CADPS: variants seen among roughly 807,000 people sequenced by gnomAD.
The protein encoded by CADPS is calcium dependent secretion activator, also known as calcium-dependent secretion activator 1.
In CADPS, 57 loss-of-function variants were observed where a neutral mutation model predicts 167.3. The ratio of observed to expected loss-of-function variants is 0.34; its 90% CI spans 0.28 to 0.42. CADPS has a LOEUF of 0.42. CADPS is among the 20% of genes least tolerant of loss of function. The pLI is 1.00. For synonymous variants in CADPS, 676 were observed against 635.3 expected (o/e 1.06, Z -0.96); for missense variants, 1,414 against 1,738.1 (o/e 0.81, Z 3.32).
intron 3 of CADPS, among the ~76,000 whole-genome samples, chr3:62,716,116 G>A (rs6775514): frequency 0.63 from 95,129 of 151,832 alleles, 30,383 homozygotes; most frequent in East Asian, 0.77. Context: ...CTGGAATGTA[G>A]TGGCATGATC....
At chr3:62,504,538 C>T (rs1333199664) in intron 17 of CADPS, among the ~76,000 whole-genome samples, 2 of 152,170 alleles carry the variant, frequency 1.3e-5, no homozygotes, top group African/African-American at 4.8e-5. Flanking sequence ...ACCCATGAGG[C>T]AGCAGATACA....
At chr3:62,774,014 A>G (rs1055706274) in intron 1 of CADPS, among the ~76,000 whole-genome samples, 2 of 152,196 alleles carry the variant, frequency 1.3e-5, no homozygotes, top group Non-Finnish European at 2.9e-5. Flanking sequence ...CTACAGGGAA[A>G]TGAACATGGA....
intron 3 of CADPS, among the ~76,000 whole-genome samples, chr3:62,698,667 C>G (rs2080811646): frequency 6.7e-6 from 1 of 150,188 alleles, no homozygotes; most frequent in Non-Finnish European, 1.5e-5. Context: ...TTATTCTTTT[C>G]CTCCTCCTCC....
At chr3:62,774,738 T>C (rs1344160421) in intron 1 of CADPS, among the ~76,000 whole-genome samples, 1 of 152,242 alleles carries the variant, frequency 6.6e-6, no homozygotes, top group Non-Finnish European at 1.5e-5. Flanking sequence ...TCATTTCTTT[T>C]TCTGCATTCA....
intron 1 of CADPS, among the ~76,000 whole-genome samples, chr3:62,797,223 C>G (rs2152777472): frequency 6.6e-6 from 1 of 151,980 alleles, no homozygotes; most frequent in African/African-American, 2.4e-5. Context: ...CCATTCTTTT[C>G]TTGAGGAATG....
At chr3:62,499,582 G>A (rs2065381959) in intron 17 of CADPS, 1 of 196,954 alleles carries the variant, frequency 5.1e-6, no homozygotes, top group Non-Finnish European at 1.1e-5. Flanking sequence ...CAGCATAAAT[G>A]TACTATACCA....
At chr3:62,472,305 C>T (rs1203659669) in intron 24 of CADPS, among the ~76,000 whole-genome samples, 1 of 152,140 alleles carries the variant, frequency 6.6e-6, no homozygotes, top group African/African-American at 2.4e-5. Flanking sequence ...TACACTAAAA[C>T]TACAAAATTG....
chr3:62,742,350 G>A lies in CADPS; in HGVS notation c.888+11091C>T, dbSNP rs535143466. 2.7e-4 allele frequency among the ~76,000 whole-genome samples: 41 copies of A among 152,212 alleles called. 1 individual carries two copies. In the East Asian group the frequency reaches 3.9e-3, roughly 14 times the overall value. On this transcript the variant is annotated intron_variant, in intron 3 of 29. Coordinates refer to ENST00000383710, the MANE Select transcript of CADPS (RefSeq NM_003716.4). ...CTACCAAAAAAAGAACAAAGCTGAA[G>A]GCATCATTCTACCTGACTTCAAACT... is the stretch of plus-strand genomic sequence containing the variant.
Position 62,521,294 on chromosome 3 carries a change from C to T in CADPS, c.2292-3044G>A, listed in dbSNP as rs893957130. 2.6e-5 allele frequency among the ~76,000 whole-genome samples: 4 copies of T among 152,246 alleles called. No individual in the cohort carries two copies. In the East Asian group the frequency reaches 7.7e-4, roughly 29 times the overall value. ...ATTTGATTCAGGGTTCCTGATTTCT[C>T]TTAGGTTGGAGTGGATTTGGAACCC... On this transcript the variant is annotated intron_variant, in intron 13 of 29. Transcript: ENST00000383710.
intron 1 of CADPS, among the ~76,000 whole-genome samples, chr3:62,821,075 A>T (rs139217547): frequency 6.6e-6 from 1 of 152,192 alleles, no homozygotes; most frequent in Admixed American, 6.5e-5. Context: ...CTGGGATTAC[A>T]GGCGTAAGCC....
intron 3 of CADPS, among the ~76,000 whole-genome samples, chr3:62,742,353 A>G (rs1482495191): frequency 6.6e-6 from 1 of 152,234 alleles, no homozygotes; most frequent in East Asian, 1.9e-4. Context: ...AGCTGAAGGC[A>G]TCATTCTACC....
intron 6 of CADPS, among the ~76,000 whole-genome samples, chr3:62,629,467 A>C (rs1278862783): frequency 6.6e-6 from 1 of 152,222 alleles, no homozygotes; most frequent in African/African-American, 2.4e-5. Context: ...TTTATTGCTA[A>C]ACAGTACACC....
intron 3 of CADPS, among the ~76,000 whole-genome samples, chr3:62,724,686 A>T (rs539233005): frequency 6.6e-6 from 1 of 152,010 alleles, no homozygotes; most frequent in East Asian, 1.9e-4. Context: ...ATCAGTGAAA[A>T]CTCTGCCAAG....
intron 1 of CADPS, among the ~76,000 whole-genome samples, chr3:62,791,335 A>G (rs2152735719): frequency 6.6e-6 from 1 of 152,324 alleles, no homozygotes; most frequent in Non-Finnish European, 1.5e-5. Flanking sequence ...ATTTCAATTA[A>G]TTGAAATAGC....
At chr3:62,400,034 ACTGCATAAG>A (rs1440120149) in intron 29 of CADPS, among the ~76,000 whole-genome samples, 6 of 152,186 alleles carry the variant, frequency 3.9e-5, no homozygotes, top group Admixed American at 3.9e-4. Flanking sequence ...GAGTCTTGTA[ACTGCATAAG>A]CTGTACTGAT....
At position 62,586,549 on chromosome 3, in the gene CADPS, C is replaced by T. The variant is rs369166137; in HGVS notation, c.1438-1225G>A. On this transcript the variant is annotated intron_variant, in intron 7 of 29. Transcript: ENST00000383710. ...CCACTTAGATGTGCTTCATTTATGC[C>T]GATTTCTCAGCCCTTCTCTTTCTGG... 1.2e-4 allele frequency among the ~76,000 whole-genome samples: 18 copies of T among 152,268 alleles called. No individual in the cohort carries two copies. The East Asian group carries it at 1.9e-3, about 16-fold the overall frequency.
chr3:62,847,277 T>G (rs2077636542), intron 1 of CADPS, among the ~76,000 whole-genome samples: 1 of 149,264 alleles, frequency 6.7e-6, no homozygotes, highest in Admixed American at 6.6e-5. Context: ...TTTTTTTTTT[T>G]TAACTTTTTT....
At chr3:62,820,014 C>T (rs996762262) in intron 1 of CADPS, among the ~76,000 whole-genome samples, 1 of 115,586 alleles carries the variant, frequency 8.7e-6, no homozygotes, top group Admixed American at 9.6e-5. Flanking sequence ...GGGGACCTCA[C>T]ACATATGCAT....
At chr3:62,739,067 T>C (rs921270685) in intron 3 of CADPS, among the ~76,000 whole-genome samples, 1 of 152,226 alleles carries the variant, frequency 6.6e-6, no homozygotes, top group African/African-American at 2.4e-5. Context: ...AGATGGAGTC[T>C]GTTTCTCCTC....
Sources: gnomAD v4.1 joint callset for allele counts (sites outside exome capture counted in the v4.1 genomes callset) on GRCh38, gnomAD v4.1.1 for gene constraint, MANE v1.5 for transcripts, NCBI Gene and HGNC (gene_info 2026-07-23, HGNC 2026-07-21) for gene names.